The following GRM8 variants were observed in gnomAD, a reference collection of about 807,000 sequenced individuals.
GRM8 encodes the protein metabotropic glutamate receptor 8.
GRM8 carries 47 observed loss-of-function variants against 87.2 expected under a neutral mutation model. The ratio of observed to expected loss-of-function variants is 0.54; its 90% CI spans 0.43 to 0.69. GRM8 has a LOEUF of 0.69. Ranked by LOEUF, GRM8 falls within the 30% of genes least tolerant of loss-of-function variation. The pLI, the probability that GRM8 is intolerant of heterozygous loss-of-function variation, is 0.00. For synonymous variants in GRM8, 396 were observed against 404.5 expected, an observed-to-expected ratio of 0.98 and a Z score of 0.25; for missense variants, 1,019 against 1,139.2, an observed-to-expected ratio of 0.89 and a Z score of 1.52.
rs147032591 is a variant in GRM8 at position 127,203,470 on chromosome 7, G to A, written c.510+39225C>T. Among the ~76,000 whole-genome samples the A allele has an allele frequency of 2.7e-3, 416 of 152,326 alleles. 4 individuals carry two copies. Among genetic ancestry groups the A allele is most frequent in the African/African-American group, 9.5e-3 (395 of 41,572 alleles). On this transcript the variant is annotated intron_variant, in intron 2 of 10. Transcript: ENST00000339582. ...GGCCTGTAATCCCAGCACCTTGGGA[G>A]GCCAAGGCGGGTGAATCACCTGAGG...
At chr7:126,445,969 G>T (rs916078338) in intron 10 of GRM8, 157 bp downstream of exon 10, 2 of 833,350 alleles carry the variant, frequency 2.4e-6, no homozygotes, top group East Asian at 2.5e-5. Flanking sequence ...CATTTGCTTC[G>T]AATGGTTTTA....
intron 9 of GRM8, among the ~76,000 whole-genome samples, chr7:126,456,675 T>C (rs1276345693): frequency 6.6e-6 from 1 of 150,932 alleles, no homozygotes; most frequent in African/African-American, 2.4e-5. Flanking sequence ...GAAAGGTAAA[T>C]CAGAAATAGA....
At chr7:127,169,000 T>TA (rs57135712) in intron 2 of GRM8, among the ~76,000 whole-genome samples, 226 of 140,734 alleles carry the variant, frequency 1.6e-3, no homozygotes, top group South Asian at 9.6e-3. Flanking sequence ...GCAGAAACTA[T>TA]AAAAAAAAAA....
intron 2 of GRM8, among the ~76,000 whole-genome samples, chr7:127,201,475 C>T (rs1795587818): frequency 6.6e-6 from 1 of 152,166 alleles, no homozygotes; most frequent in African/African-American, 2.4e-5. Flanking sequence ...TAACTTTGTT[C>T]ATGGTTAGAA....
intron 3 of GRM8, among the ~76,000 whole-genome samples, chr7:126,962,533 T>C (rs1462600185): frequency 6.6e-6 from 1 of 152,270 alleles, no homozygotes; most frequent in Non-Finnish European, 1.5e-5. Flanking sequence ...TTTGTATTAC[T>C]GTGAGTAGAA....
At chr7:126,758,523 G>C (rs1391123779) in intron 7 of GRM8, among the ~76,000 whole-genome samples, 1 of 152,132 alleles carries the variant, frequency 6.6e-6, no homozygotes. Context: ...TGGGGAGAAA[G>C]AGGACAAGAG....
intron 3 of GRM8, among the ~76,000 whole-genome samples, chr7:126,968,813 C>T (rs1563364421): frequency 6.6e-6 from 1 of 152,016 alleles, no homozygotes; most frequent in Admixed American, 6.6e-5. Context: ...TGGAAGTAGC[C>T]TAGACTAGCC....
chr7:126,508,727 G>A (rs891142038), intron 9 of GRM8, among the ~76,000 whole-genome samples: 1 of 151,978 alleles, frequency 6.6e-6, no homozygotes, highest in Admixed American at 6.6e-5. Flanking sequence ...AGAGTTGAAA[G>A]GTAAATTAGT....
chr7:127,175,113 A>C (rs1277453623), intron 2 of GRM8, among the ~76,000 whole-genome samples: 1 of 152,208 alleles, frequency 6.6e-6, no homozygotes, highest in Admixed American at 6.5e-5. Context: ...CTAATGAAAA[A>C]AATGTCTAAT....
At chr7:126,842,742 A>G (rs542881615) in intron 6 of GRM8, among the ~76,000 whole-genome samples, 10 of 152,346 alleles carry the variant, frequency 6.6e-5, no homozygotes, top group African/African-American at 2.4e-4. Context: ...GAAGGTGTCC[A>G]TAAGCCAATG....
At chr7:127,152,479 A>G (rs1471670603) in intron 2 of GRM8, among the ~76,000 whole-genome samples, 1 of 152,140 alleles carries the variant, frequency 6.6e-6, no homozygotes, top group African/African-American at 2.4e-5. Context: ...GAGAGTATCT[A>G]TGGCAAAGGA....
intron 2 of GRM8, among the ~76,000 whole-genome samples, chr7:127,199,269 G>T (rs938517181): frequency 1.3e-5 from 2 of 152,166 alleles, no homozygotes; most frequent in African/African-American, 2.4e-5. Flanking sequence ...TCCTAGAATG[G>T]ATTTTCAACT....
At chr7:126,950,034 A>G (rs1318802601) in intron 3 of GRM8, among the ~76,000 whole-genome samples, 1 of 152,204 alleles carries the variant, frequency 6.6e-6, no homozygotes, top group African/African-American at 2.4e-5. Context: ...CATCACAAAT[A>G]AGGCCTGAAA....
chr7:126,842,005 C>T (rs1278804272), intron 6 of GRM8, among the ~76,000 whole-genome samples: 2 of 152,126 alleles, frequency 1.3e-5, no homozygotes, highest in Non-Finnish European at 2.9e-5. Flanking sequence ...GAAGCTCACA[C>T]ACCTACATTG....
chr7:126,481,640 T>C (rs1236955054), intron 9 of GRM8, among the ~76,000 whole-genome samples: 1 of 151,864 alleles, frequency 6.6e-6, no homozygotes, highest in East Asian at 1.9e-4. Flanking sequence ...CTCAAGTTTA[T>C]TAAATTTGAA....
At chr7:126,935,278 C>T (rs975772805) in intron 3 of GRM8, among the ~76,000 whole-genome samples, 1 of 152,028 alleles carries the variant, frequency 6.6e-6, no homozygotes, top group Non-Finnish European at 1.5e-5. Context: ...AGGGAAACTT[C>T]CATGGCAAAG....
intron 3 of GRM8, among the ~76,000 whole-genome samples, chr7:126,949,377 T>C (rs1491002032): frequency 6.6e-6 from 1 of 151,748 alleles, no homozygotes; most frequent in Non-Finnish European, 1.5e-5. Flanking sequence ...CATATTTAGG[T>C]TAAGATAAAT....
chr7:126,514,763 G>A (rs1811933533), intron 9 of GRM8, among the ~76,000 whole-genome samples: 2 of 151,968 alleles, frequency 1.3e-5, no homozygotes, highest in African/African-American at 4.8e-5. Flanking sequence ...TATATCTCTA[G>A]GCATTGTTCA....
At chr7:126,643,205 G>C (rs1241333590) in intron 7 of GRM8, among the ~76,000 whole-genome samples, 3 of 147,640 alleles carry the variant, frequency 2.0e-5, no homozygotes, top group African/African-American at 7.6e-5. Flanking sequence ...TAGAAAGATG[G>C]CTTGAGCCCC....
Sources: allele counts gnomAD v4.1 joint callset (sites outside exome capture counted in the v4.1 genomes callset), GRCh38; gene constraint gnomAD v4.1.1; transcripts MANE v1.5; gene names NCBI Gene and HGNC (gene_info 2026-07-23, HGNC 2026-07-21).